Variants in OSBPL3 observed in about 807,000 individuals in gnomAD.
OSBPL3 encodes the protein oxysterol binding protein like 3.
A neutral mutation model predicts 120.1 loss-of-function variants in OSBPL3; 65 were observed. That is an observed-to-expected ratio of 0.54 (90% CI 0.44 to 0.67). The LOEUF (loss-of-function observed/expected upper bound fraction) is 0.67, where lower values mean the gene tolerates loss of function less well. Among genes scored for constraint, OSBPL3 ranks in the 30% least tolerant of loss-of-function variants. The pLI is 0.00. For missense variants in OSBPL3, 1,004 were observed against 1,082.1 expected, an observed-to-expected ratio of 0.93 and a Z score of 1.01; for synonymous variants, 416 against 402.6, an observed-to-expected ratio of 1.03 and a Z score of -0.40.
At chr7:24,846,281 G>T (rs968884028) in intron 12 of OSBPL3, among the ~76,000 whole-genome samples, 1 of 152,126 alleles carries the variant, frequency 6.6e-6, no homozygotes, top group Non-Finnish European at 1.5e-5. Context: ...CTTTGGCCTC[G>T]TTAGATGTGA....
In OSBPL3 at chr7:24,815,240, G is replaced by A; in HGVS notation, c.2028-37C>T. 6.3e-7 allele frequency: 1 copy of A among 1,577,836 alleles called. No homozygotes were observed. Among genetic ancestry groups the A allele is most frequent in the Non-Finnish European group, 8.7e-7 (1 of 1,152,128 alleles). Reference sequence around the variant, plus strand: ...GAAAAAGTAGAAGTACCAATTTCTAGAAGAGCCAGCAGCAAATGCAAACAA... The same window carrying A: ...GAAAAAGTAGAAGTACCAATTTCTAAAAGAGCCAGCAGCAAATGCAAACAA... On this transcript the variant is annotated intron_variant, in intron 18 of 22. Transcript: ENST00000313367. The surrounding 1 kb of genome is among the most constrained non-coding windows in gnomAD (Gnocchi z 5.1).
rs764176472 is a variant in OSBPL3, at chr7:24,830,803, G to A, written c.1849C>T (p.Arg617Trp). ...PVLGETYECI[R>W]EDKGFQFFSE... Reference sequence around the variant, plus strand: ...AAAAACTGGAAGCCCTTGTCCTCCCGAATACATTCATATGTTTCTCCAAGA... The same window carrying A: ...AAAAACTGGAAGCCCTTGTCCTCCCAAATACATTCATATGTTTCTCCAAGA... Residue 617 changes from arginine to tryptophan, a missense_variant, in exon 16 of 23, where the codon CGG becomes TGG. This residue lies in a region of OSBPL3 where 473 missense variants were observed against 568.0 expected (regional missense o/e 0.83). Coordinates refer to ENST00000313367, the MANE Select transcript of OSBPL3 (RefSeq NM_015550.4). The surrounding 1 kb of genome is among the most constrained non-coding windows in gnomAD (Gnocchi z 4.4). The A allele has an allele frequency of 3.1e-6, 5 of 1,613,792 alleles. No homozygotes were observed. Among genetic ancestry groups the A allele is most frequent in the East Asian group, 2.2e-5 (1 of 44,856 alleles).
Position 24,896,550 on chromosome 7 carries a change from AT to A in OSBPL3, c.-149-3930del, listed in dbSNP as rs1422506848. 1.3e-5 allele frequency among the ~76,000 whole-genome samples: 2 copies of A among 152,240 alleles called. No individual in the cohort carries two copies. Among genetic ancestry groups the A allele is most frequent in the African/African-American group, 4.8e-5 (2 of 41,464 alleles). On this transcript the variant is annotated intron_variant, in intron 1 of 22. Coordinates refer to ENST00000313367, the MANE Select transcript of OSBPL3 (RefSeq NM_015550.4). The surrounding 1 kb of genome is among the most constrained non-coding windows in gnomAD (Gnocchi z 4.4). ...TCAAGTATTTTGGCAACAAAGGCTG[AT>A]TTTAAGACTCATGTTAGTAGGTTTC...
chr7:24,869,110 G>A (rs747670681), intron 5 of OSBPL3, among the ~76,000 whole-genome samples: 1 of 152,136 alleles, frequency 6.6e-6, no homozygotes, highest in Non-Finnish European at 1.5e-5. Context: ...TACACTAAGA[G>A]TCATAACCGA....
chr7:24,863,795 C>T lies in OSBPL3; in HGVS notation c.674-196G>A, dbSNP rs762261247. On this transcript the variant is annotated intron_variant, in intron 7 of 22. Transcript: ENST00000313367. The surrounding 1 kb of genome is among the most constrained non-coding windows in gnomAD (Gnocchi z 5.8). Reference sequence around the variant, plus strand: ...GGTTAAGGGCATGAATCTTGAGAACCAGGCTGCTTCAGTTTGAATCCACTT... The same window carrying T: ...GGTTAAGGGCATGAATCTTGAGAACTAGGCTGCTTCAGTTTGAATCCACTT... Among the ~76,000 whole-genome samples the T allele has an allele frequency of 1.4e-4, 22 of 152,122 alleles. No homozygotes were observed. Among genetic ancestry groups the T allele is most frequent in the Non-Finnish European group, 2.5e-4 (17 of 68,032 alleles).
chr7:24,971,333 T>G (rs1817000780), intron 1 of OSBPL3, among the ~76,000 whole-genome samples: 1 of 152,164 alleles, frequency 6.6e-6, no homozygotes. Flanking sequence ...AACAATTTGG[T>G]AAATGAAGCC....
chr7:24,842,181 G>T, intron 13 of OSBPL3, 98 bp downstream of exon 13: 3 of 1,273,998 alleles, frequency 2.4e-6, no homozygotes, highest in Non-Finnish European at 3.3e-6. Flanking sequence ...GGGCAACTGA[G>T]TTTAGTGTTT....
chr7:24,970,872 A>T (rs1490646794), intron 1 of OSBPL3, among the ~76,000 whole-genome samples: 1 of 152,230 alleles, frequency 6.6e-6, no homozygotes, highest in Non-Finnish European at 1.5e-5. Context: ...AGTTCTGCTA[A>T]CAAGTTCCTA....
rs1032846586 is a variant in OSBPL3 at position 24,834,170 on chromosome 7, T to C, written c.1746+316A>G. 3.7e-6 allele frequency: 4 copies of C among 1,071,940 alleles called. No individual in the cohort carries two copies. The highest frequency in any genetic ancestry group is 3.4e-6 in the Non-Finnish European group (3 of 877,558). 66.4% of individuals were successfully genotyped at this position (1,071,940 alleles called of 1,614,324 possible). On this transcript the variant is annotated intron_variant, in intron 15 of 22. Transcript: ENST00000313367. This position sits in a 1 kb window ranked among gnomAD's most constrained non-coding sequence, Gnocchi z 5.2. The stretch of plus-strand genomic sequence containing the variant: ...AAACATGCAGACAGCCCTAAAGACA[T>C]GTTTTCCAGCCGGGCACATCGGAAC...
chr7:24,869,078 C>T (rs17228163), intron 5 of OSBPL3, among the ~76,000 whole-genome samples: 34,911 of 152,038 alleles, frequency 0.23, 4,112 homozygotes, highest in Non-Finnish European at 0.25. Context: ...ATAACTAGAA[C>T]GCTCAGATAA....
In OSBPL3 at chr7:24,930,583, C is replaced by G. The variant is rs1811668423; in HGVS notation, c.-149-37962G>C. Reference sequence around the variant, plus strand: ...ATATTAAAAATACATATGCAGTGTACTTCAAAGGGCCTCTTACCTAAGGGG... The same window carrying G: ...ATATTAAAAATACATATGCAGTGTAGTTCAAAGGGCCTCTTACCTAAGGGG... On this transcript the variant is annotated intron_variant, in intron 1 of 22. Transcript: ENST00000313367. This position sits in a 1 kb window ranked among gnomAD's most constrained non-coding sequence, Gnocchi z 4.4. Among the ~76,000 whole-genome samples, 1 of 152,092 alleles carries G rather than the reference C, an allele frequency of 6.6e-6. No homozygotes were observed. The highest frequency in any genetic ancestry group is 2.4e-5 in the African/African-American group (1 of 41,416).
chr7:24,828,633 A>AAAAAG (rs1554349993), intron 16 of OSBPL3, among the ~76,000 whole-genome samples: 80 of 134,690 alleles, frequency 5.9e-4, no homozygotes, highest in Middle Eastern at 4.1e-3. Flanking sequence ...AAAAAAAAAA[A>AAAAAG]AAAGGCATCG....
chr7:24,798,605 C>A lies in OSBPL3; in HGVS notation c.*1578G>T, dbSNP rs899633536. 5.3e-5 allele frequency: 8 copies of A among 152,232 alleles called. No homozygotes were observed. Among genetic ancestry groups the A allele is most frequent in the African/African-American group, 1.9e-4 (8 of 41,458 alleles). 9.4% of individuals were successfully genotyped at this position (152,232 alleles called of 1,614,324 possible). On this transcript the variant is annotated 3_prime_UTR_variant, in exon 23 of 23. Transcript: ENST00000313367. The surrounding 1 kb of genome is among the most constrained non-coding windows in gnomAD (Gnocchi z 4.6). ...GTCACGTGCAGATTCCAGAAGGCTACACATCCACTTTAAATAACTCTCCAT... is the reference window on the plus strand; with the variant it reads ...GTCACGTGCAGATTCCAGAAGGCTAAACATCCACTTTAAATAACTCTCCAT...
rs1335213434 is a variant in OSBPL3, at chr7:24,930,751, A to G, written c.-149-38130T>C. On this transcript the variant is annotated intron_variant, in intron 1 of 22. Transcript: ENST00000313367. The surrounding 1 kb of genome is among the most constrained non-coding windows in gnomAD (Gnocchi z 4.4). ...CAGTCCCAAAGGGTCTGGCTCTCTGAAAGCCTTCTGTGGAGTCTTTAAGGG... is the reference window on the plus strand; with the variant it reads ...CAGTCCCAAAGGGTCTGGCTCTCTGGAAGCCTTCTGTGGAGTCTTTAAGGG... Among the ~76,000 whole-genome samples the G allele has an allele frequency of 6.6e-6, 1 of 152,172 alleles. No individual in the cohort carries two copies. The highest frequency in any genetic ancestry group is 2.4e-5 in the African/African-American group (1 of 41,440).
intron 2 of OSBPL3, among the ~76,000 whole-genome samples, chr7:24,876,177 T>C (rs1287681876): frequency 6.6e-6 from 1 of 152,164 alleles, no homozygotes; most frequent in Non-Finnish European, 1.5e-5. Context: ...TCATGCAATA[T>C]AAAAATGAGG....
chr7:24,892,100 T>C (rs191451009), intron 2 of OSBPL3, among the ~76,000 whole-genome samples: 12 of 152,346 alleles, frequency 7.9e-5, no homozygotes, highest in African/African-American at 2.9e-4. Flanking sequence ...TGAGTCAGCT[T>C]CCTCATGGGG....
Position 24,866,085 on chromosome 7 carries a change from G to A in OSBPL3, c.534C>T (p.Ser178=). The A allele has an allele frequency of 6.2e-7, 1 of 1,613,412 alleles. No individual in the cohort carries two copies. The highest frequency in any genetic ancestry group is 8.5e-7 in the Non-Finnish European group (1 of 1,179,448). ...ITDSSSGVFD[S]ISSRKRSSIS... ...CACTCATTACCTTCCTACTTGAAAT[G>A]GAGTCAAACACCCCAGATGAAGAGT... The change falls in exon 6 of 23, where the codon TCC becomes TCT. Residue 178 remains serine, a synonymous_variant. Coordinates refer to ENST00000313367, the MANE Select transcript of OSBPL3 (RefSeq NM_015550.4).
Position 24,871,941 on chromosome 7 carries a change from G to C in OSBPL3, c.213+12C>G, listed in dbSNP as rs745798863. Reference sequence around the variant, plus strand: ...TGAGTGCAAATAAAGGGGAGGCCAAGACCAACCTTACCTTATGCCAGCCTT... The same window carrying C: ...TGAGTGCAAATAAAGGGGAGGCCAACACCAACCTTACCTTATGCCAGCCTT... On this transcript the variant is annotated intron_variant, in intron 3 of 22. Coordinates refer to ENST00000313367, the MANE Select transcript of OSBPL3 (RefSeq NM_015550.4). This position sits in a 1 kb window ranked among gnomAD's most constrained non-coding sequence, Gnocchi z 4.8. 1 of 1,593,168 alleles carries C rather than the reference G, an allele frequency of 6.3e-7. No homozygotes were observed. Among genetic ancestry groups the C allele is most frequent in the East Asian group, 2.2e-5 (1 of 44,782 alleles).
At chr7:24,895,221 C>T (rs569079377) in intron 1 of OSBPL3, among the ~76,000 whole-genome samples, 16 of 152,312 alleles carry the variant, frequency 1.1e-4, no homozygotes, top group Admixed American at 7.2e-4. Context: ...GGGTTTCAGT[C>T]AGTGACAGCC....
Sources: gnomAD v4.1 joint callset for allele counts (sites outside exome capture counted in the v4.1 genomes callset) on GRCh38, gnomAD v4.1.1 for gene constraint, gnomAD v4.1.1 regional missense constraint, Gnocchi (gnomAD v3.1) non-coding constraint, MANE v1.5 for transcripts, NCBI Gene and HGNC (gene_info 2026-07-23, HGNC 2026-07-21) for gene names.